Variants in ZNF608 observed in about 807,000 individuals in gnomAD.
The protein encoded by ZNF608 is renal carcinoma antigen NY-REN-36.
In ZNF608, 12 loss-of-function variants were observed where a neutral mutation model predicts 109.0. The observed-to-expected ratio is 0.11, with a 90% CI of 0.07 to 0.18. The LOEUF is 0.18. ZNF608 is among the 10% of genes least tolerant of loss of function. The pLI is 1.00. For synonymous variants in ZNF608, 732 were observed against 717.4 expected (o/e 1.02, Z -0.33); for missense variants, 1,707 against 1,879.3 (o/e 0.91, Z 1.70).
intron 3 of ZNF608, among the ~76,000 whole-genome samples, chr5:124,697,519 A>C (rs1196109086): frequency 1.3e-5 from 2 of 152,228 alleles, no homozygotes; most frequent in Non-Finnish European, 2.9e-5. Context: ...TTTACCTTAA[A>C]GAAAAAAGAT....
intron 2 of ZNF608, among the ~76,000 whole-genome samples, chr5:124,732,939 C>T (rs1748972300): frequency 6.6e-6 from 1 of 151,944 alleles, no homozygotes; most frequent in African/African-American, 2.4e-5. Context: ...ATCTGCCTCC[C>T]CACCTTCTTC....
At chr5:124,699,932 T>C (rs1303955015) in intron 3 of ZNF608, among the ~76,000 whole-genome samples, 1 of 152,170 alleles carries the variant, frequency 6.6e-6, no homozygotes, top group Non-Finnish European at 1.5e-5. Flanking sequence ...CGGCCCTCAG[T>C]TTTTCTCCCT....
intron 2 of ZNF608, among the ~76,000 whole-genome samples, chr5:124,705,295 T>C (rs1431691526): frequency 6.6e-6 from 1 of 152,182 alleles, no homozygotes; most frequent in Non-Finnish European, 1.5e-5. Flanking sequence ...CTGGTTCTGT[T>C]AGCAGACAGA....
intron 3 of ZNF608, among the ~76,000 whole-genome samples, chr5:124,678,099 C>T (rs1468310411): frequency 6.6e-6 from 1 of 152,184 alleles, no homozygotes; most frequent in Non-Finnish European, 1.5e-5. Context: ...TGTTCAAATG[C>T]TGCCCGTAAG....
intron 3 of ZNF608, among the ~76,000 whole-genome samples, chr5:124,690,977 T>G (rs1752601893): frequency 6.8e-6 from 1 of 148,088 alleles, no homozygotes; most frequent in South Asian, 2.1e-4. Flanking sequence ...TGTGCAAAAT[T>G]TTTTACACAA....
chr5:124,744,060 T>C lies in ZNF608; in HGVS notation c.906+24A>G, dbSNP rs772787399. 1.3e-6 allele frequency: 2 copies of C among 1,559,790 alleles called. No homozygotes were observed. Among genetic ancestry groups the C allele is most frequent in the African/African-American group, 1.4e-5 (1 of 73,590 alleles). On this transcript the variant is annotated intron_variant, in intron 2 of 9. Coordinates refer to ENST00000513986, the MANE Select transcript of ZNF608 (RefSeq NM_020747.3). The surrounding 1 kb of genome is among the most constrained non-coding windows in gnomAD (Gnocchi z 4.5). ...AATGCACACAGAGGAGAGTAGGACA[T>C]CTAGGAAGGCGACTTTATCCTACCT...
intron 2 of ZNF608, among the ~76,000 whole-genome samples, chr5:124,731,143 T>A (rs904690228): frequency 6.6e-6 from 1 of 152,228 alleles, no homozygotes; most frequent in Non-Finnish European, 1.5e-5. Flanking sequence ...AGACATGATT[T>A]TTTTTTATAA....
chr5:124,748,600 T>C (rs1749719670), upstream of ZNF608: 3 of 984,528 alleles, frequency 3.0e-6, no homozygotes, highest in African/African-American at 1.7e-5. Context: ...GCAGCCGCTT[T>C]ATTTTGGAAA....
upstream of ZNF608, among the ~76,000 whole-genome samples, chr5:124,747,552 C>G (rs1164770226): frequency 2.0e-5 from 3 of 150,990 alleles, no homozygotes; most frequent in African/African-American, 7.3e-5. Flanking sequence ...ACAAGCGTAT[C>G]AAGAAAATAC....
intron 3 of ZNF608, among the ~76,000 whole-genome samples, chr5:124,668,397 A>G (rs1751575928): frequency 7.2e-6 from 1 of 138,660 alleles, no homozygotes; most frequent in Non-Finnish European, 1.6e-5. Context: ...CACCACACAG[A>G]AAAAAAAAAA....
Position 124,648,104 on chromosome 5 carries a change from G to T in ZNF608, c.2280C>A (p.Thr760=). 6.2e-7 allele frequency: 1 copy of T among 1,614,128 alleles called. No individual in the cohort carries two copies. The change falls in exon 5 of 10, where the codon ACC becomes ACA. Residue 760 remains threonine, a synonymous_variant. Transcript: ENST00000513986. ...IAIPTATFTT[T]TTGTIPGLPS... ...GCAGTCCGGGTATTGTCCCAGTGGT[G>T]GTCGTTGTAAAGGTTGCAGTGGGTA...
intron 2 of ZNF608, among the ~76,000 whole-genome samples, chr5:124,709,073 A>G (rs1166307960): frequency 6.8e-6 from 1 of 147,334 alleles, no homozygotes; most frequent in Non-Finnish European, 1.5e-5. Context: ...CGGGAGGCTG[A>G]GGCAGGAGAA....
chr5:124,680,611 G>A (rs532139389), intron 3 of ZNF608, among the ~76,000 whole-genome samples: 57 of 152,216 alleles, frequency 3.7e-4, no homozygotes, highest in African/African-American at 1.2e-3. Flanking sequence ...GCTTCTCAGC[G>A]CACCACTCAT....
Position 124,740,629 on chromosome 5 carries a change from CAAAAGAATAAAAT to C in ZNF608, c.906+3442_906+3454del, listed in dbSNP as rs1029785788. 1.1e-4 allele frequency among the ~76,000 whole-genome samples: 16 copies of C among 152,000 alleles called. No homozygotes were observed. In the South Asian group the frequency reaches 3.3e-3, roughly 32 times the overall value. Reference sequence around the variant, plus strand: ...CTGGTGAAGTATAAAAAGGACTCTACAAAAGAATAAAATAAAATGAATGATATCCTTTATGGAC... The same window carrying C: ...CTGGTGAAGTATAAAAAGGACTCTACAAAATGAATGATATCCTTTATGGAC... On this transcript the variant is annotated intron_variant, in intron 2 of 9. Coordinates refer to ENST00000513986, the MANE Select transcript of ZNF608 (RefSeq NM_020747.3).
intron 3 of ZNF608, among the ~76,000 whole-genome samples, chr5:124,653,851 T>C (rs1298905547): frequency 6.6e-6 from 1 of 152,086 alleles, no homozygotes; most frequent in Non-Finnish European, 1.5e-5. Flanking sequence ...GGGCCAAAGT[T>C]CCAAGGGCGC....
intron 3 of ZNF608, among the ~76,000 whole-genome samples, chr5:124,651,793 G>A (rs563196371): frequency 2.0e-5 from 3 of 152,244 alleles, no homozygotes; most frequent in Non-Finnish European, 4.4e-5. Context: ...CGGCCGCCCG[G>A]AGCACAGAGG....
chr5:124,650,876 G>C (rs1429567240), intron 3 of ZNF608, among the ~76,000 whole-genome samples: 1 of 152,176 alleles, frequency 6.6e-6, no homozygotes, highest in African/African-American at 2.4e-5. Flanking sequence ...CCTGTAGTGG[G>C]CTCCTTTACA....
rs746016225 is a variant in ZNF608, at chr5:124,647,543, G to A, written c.2841C>T (p.Asp947=). The change falls in exon 5 of 10, where the codon GAC becomes GAT. Residue 947 remains aspartate, a synonymous_variant. Transcript: ENST00000513986. ...CCGACCTGCTGTCAGAACCACCATC[G>A]TCAGCAGCATCAGATATGTCTGAAT... ...PAYSDISDAA[D]DGGSDSRSEG... The A allele has an allele frequency of 6.8e-6, 11 of 1,614,044 alleles. No homozygotes were observed. The highest frequency in any genetic ancestry group is 4.4e-5 in the South Asian group (4 of 91,080).
At chr5:124,697,153 G>A (rs936352540) in intron 3 of ZNF608, among the ~76,000 whole-genome samples, 1 of 149,136 alleles carries the variant, frequency 6.7e-6, no homozygotes, top group Non-Finnish European at 1.5e-5. Context: ...TAGAGTGGCA[G>A]AGCAGTAGTA....
Sources: gnomAD v4.1 joint callset for allele counts (sites outside exome capture counted in the v4.1 genomes callset) on GRCh38, gnomAD v4.1.1 for gene constraint, Gnocchi (gnomAD v3.1) non-coding constraint, MANE v1.5 for transcripts, NCBI Gene and HGNC (gene_info 2026-07-23, HGNC 2026-07-21) for gene names.